Variants in CREB3L2 observed in about 807,000 individuals in gnomAD.
The protein encoded by CREB3L2 is cyclic AMP-responsive element-binding protein 3-like protein 2.
CREB3L2 carries 23 observed loss-of-function variants against 57.2 expected under a neutral mutation model. The ratio of observed to expected loss-of-function variants is 0.40; its 90% CI spans 0.29 to 0.57. The LOEUF (loss-of-function observed/expected upper bound fraction) is 0.57, where lower values mean the gene tolerates loss of function less well. Ranked by LOEUF, CREB3L2 falls within the 20% of genes least tolerant of loss-of-function variation. CREB3L2 has a pLI of 0.42. For synonymous variants in CREB3L2, 268 were observed against 265.1 expected (o/e 1.01, Z -0.11); for missense variants, 628 against 634.7 (o/e 0.99, Z 0.11).
rs181008543 is a variant in CREB3L2 at position 137,974,766 on chromosome 7, C to T, written c.102+26838G>A. 4.1e-3 allele frequency among the ~76,000 whole-genome samples: 630 copies of T among 152,252 alleles called. 2 individuals are homozygous for T. Among genetic ancestry groups the T allele is most frequent in the African/African-American group, 0.014 (592 of 41,546 alleles). Reference sequence around the variant, plus strand: ...AGTTAGGAGAGAATGACATCAAGAACGGCTCCTAGGTGCCTGGCCTGCCCC... The same window carrying T: ...AGTTAGGAGAGAATGACATCAAGAATGGCTCCTAGGTGCCTGGCCTGCCCC... On this transcript the variant is annotated intron_variant, in intron 1 of 11. Transcript: ENST00000330387.
chr7:137,953,341 A>G (rs914516176), intron 1 of CREB3L2: 6 of 514,624 alleles, frequency 1.2e-5, no homozygotes, highest in South Asian at 1.0e-4. Context: ...CACATAACAC[A>G]TTCCTTCCTT....
At chr7:137,913,133 A>ACATG in intron 3 of CREB3L2, 55 bp from the exon 4 acceptor site, 1 of 1,559,052 alleles carries the variant, frequency 6.4e-7, no homozygotes, top group Non-Finnish European at 8.7e-7. Context: ...CCTTGAAGAC[A>ACATG]CATGCAGGAG....
chr7:137,928,402 T>C (rs1194396464), intron 1 of CREB3L2, 36 bp from the exon 2 acceptor site: 7 of 1,542,872 alleles, frequency 4.5e-6, no homozygotes, highest in African/African-American at 1.4e-5. Context: ...TCAGTTTCTC[T>C]TAACCATAAT....
intron 8 of CREB3L2, among the ~76,000 whole-genome samples, chr7:137,899,500 T>C (rs1799708613): frequency 6.6e-6 from 1 of 152,128 alleles, no homozygotes; most frequent in Admixed American, 6.5e-5. Flanking sequence ...AAAACATGCA[T>C]ACATATGCTG....
chr7:137,988,451 A>C (rs1801826845), intron 1 of CREB3L2, among the ~76,000 whole-genome samples: 1 of 152,230 alleles, frequency 6.6e-6, no homozygotes, highest in Non-Finnish European at 1.5e-5. Flanking sequence ...TTATTATGTC[A>C]TACAAAAATG....
intron 2 of CREB3L2, chr7:137,922,865 T>C (rs1800367404): frequency 5.4e-6 from 1 of 186,214 alleles, no homozygotes; most frequent in Non-Finnish European, 1.1e-5. Flanking sequence ...TCAAAGGAGT[T>C]GGCAAATCTT....
At chr7:137,881,398 A>T (rs1472635132) in intron 11 of CREB3L2, among the ~76,000 whole-genome samples, 1 of 152,216 alleles carries the variant, frequency 6.6e-6, no homozygotes, top group Non-Finnish European at 1.5e-5. Flanking sequence ...TGGATTAGGG[A>T]TGCTTAACTG....
chr7:137,970,002 AT>A, intron 1 of CREB3L2, among the ~76,000 whole-genome samples: 1 of 152,264 alleles, frequency 6.6e-6, no homozygotes, highest in South Asian at 2.1e-4. Context: ...GGGTATTTTA[AT>A]TTGCATAATA....
chr7:137,938,128 T>C (rs1467305710), intron 1 of CREB3L2, among the ~76,000 whole-genome samples: 1 of 152,146 alleles, frequency 6.6e-6, no homozygotes, highest in African/African-American at 2.4e-5. Context: ...TCCAAATCTA[T>C]AGAATGTACG....
At chr7:137,895,141 A>G (rs1458810184) in intron 8 of CREB3L2, among the ~76,000 whole-genome samples, 5 of 152,222 alleles carry the variant, frequency 3.3e-5, no homozygotes, top group African/African-American at 9.6e-5. Context: ...AACGCCTACA[A>G]CTAATGGGCC....
chr7:137,955,681 A>C (rs1585656191), intron 1 of CREB3L2, among the ~76,000 whole-genome samples: 1 of 152,056 alleles, frequency 6.6e-6, no homozygotes, highest in African/African-American at 2.4e-5. Context: ...TAAAACTAAA[A>C]CCCACCTCAA....
At chr7:137,963,438 G>T (rs1287723162) in intron 1 of CREB3L2, among the ~76,000 whole-genome samples, 2 of 152,152 alleles carry the variant, frequency 1.3e-5, no homozygotes, top group Non-Finnish European at 2.9e-5. Flanking sequence ...GACTTTGTTA[G>T]TCCTTAAACT....
rs1799170356 is a variant in CREB3L2 at position 137,877,023 on chromosome 7, GGGAGGGA to G, written c.*3446_*3452del. On this transcript the variant is annotated 3_prime_UTR_variant, in exon 12 of 12. Coordinates refer to ENST00000330387, the MANE Select transcript of CREB3L2 (RefSeq NM_194071.4). ...ACGCTTTTGCTGGGTCTGAGGACATGGGAGGGAGGAGCCATAAAATGCTGGAGAACAA... is the reference window on the plus strand; with the variant it reads ...ACGCTTTTGCTGGGTCTGAGGACATGGGAGCCATAAAATGCTGGAGAACAA... 1 of 230,416 alleles carries G rather than the reference GGGAGGGA, an allele frequency of 4.3e-6. No homozygotes were observed. The highest frequency in any genetic ancestry group is 5.7e-5 in the Admixed American group (1 of 17,696). The allele number at this position is 230,416 out of a possible 1,614,324, so 14.3% of individuals were successfully genotyped here.
chr7:137,920,135 C>T (rs2117225981), intron 2 of CREB3L2, among the ~76,000 whole-genome samples: 1 of 152,332 alleles, frequency 6.6e-6, no homozygotes, highest in South Asian at 2.1e-4. Context: ...AGGTCTTCCT[C>T]CTCCCTCCAT....
At chr7:137,892,958 G>C (rs1031179681) in intron 8 of CREB3L2, among the ~76,000 whole-genome samples, 2 of 152,118 alleles carry the variant, frequency 1.3e-5, no homozygotes, top group African/African-American at 4.8e-5. Context: ...ACTAAAGTGT[G>C]TCATACACAA....
At chr7:137,902,630 G>A (rs372301360) in intron 7 of CREB3L2, among the ~76,000 whole-genome samples, 6 of 152,236 alleles carry the variant, frequency 3.9e-5, no homozygotes, top group African/African-American at 4.8e-5. Context: ...CCAGATGCTC[G>A]AGTCCCTGAT....
chr7:137,880,882 G>T lies in CREB3L2; in HGVS notation c.1488-331C>A, dbSNP rs1056594987. On this transcript the variant is annotated intron_variant, in intron 11 of 11. Transcript: ENST00000330387. This position sits in a 1 kb window ranked among gnomAD's most constrained non-coding sequence, Gnocchi z 4.0. ...TGTTTAGCCCTATGCTAAACTCAGGGAAGGAGAAAATAAAATGATAAGAGC... is the reference window on the plus strand; with the variant it reads ...TGTTTAGCCCTATGCTAAACTCAGGTAAGGAGAAAATAAAATGATAAGAGC... Among the ~76,000 whole-genome samples, 6 of 152,168 alleles carry T rather than the reference G, an allele frequency of 3.9e-5. No individual in the cohort carries two copies. Among genetic ancestry groups the T allele is most frequent in the African/African-American group, 1.4e-4 (6 of 41,428 alleles).
Position 137,913,541 on chromosome 7 carries a change from A to T in CREB3L2, c.496-463T>A, listed in dbSNP as rs568916619. On this transcript the variant is annotated intron_variant, in intron 3 of 11. Transcript: ENST00000330387. ...AAAAAAGAAAAAAGAAAAAAAAAGA[A>T]AAAGAAAAACACTCAGAACTCTAAA... Among the ~76,000 whole-genome samples the T allele has an allele frequency of 2.6e-5, 4 of 151,922 alleles. No individual in the cohort carries two copies. In the South Asian group the frequency reaches 8.3e-4, roughly 32 times the overall value.
At chr7:137,887,027 A>T (rs1799434473) in intron 8 of CREB3L2, among the ~76,000 whole-genome samples, 2 of 152,138 alleles carry the variant, frequency 1.3e-5, no homozygotes, top group South Asian at 4.1e-4. Context: ...AAGTGGAAAG[A>T]TTTTATGAGC....
Sources: allele counts gnomAD v4.1 joint callset (sites outside exome capture counted in the v4.1 genomes callset), GRCh38; gene constraint gnomAD v4.1.1; non-coding constraint Gnocchi (gnomAD v3.1); transcripts MANE v1.5; gene names NCBI Gene and HGNC (gene_info 2026-07-23, HGNC 2026-07-21).